The following TSPAN7 variants were observed in gnomAD, a reference collection of about 807,000 sequenced individuals.
TSPAN7 encodes the protein tetraspanin-7.
Under a neutral mutation model 17.6 loss-of-function variants are expected in TSPAN7, and 1 was observed. The ratio of observed to expected loss-of-function variants is 0.06; its 90% CI spans 0.02 to 0.27. The LOEUF is 0.27. TSPAN7 is among the 10% of genes least tolerant of loss of function. The pLI, the probability that TSPAN7 is intolerant of heterozygous loss-of-function variation, is 1.00. For missense variants in TSPAN7, 112 were observed against 201.7 expected (o/e 0.56, Z 2.69); for synonymous variants, 78 against 79.0 (o/e 0.99, Z 0.07).
chrX:38,673,845 T>G (rs973357382), intron 3 of TSPAN7, among the ~76,000 whole-genome samples: 1 of 111,049 alleles, frequency 9.0e-6, no homozygotes, highest in African/African-American at 3.3e-5. Context: ...GAGCCTCCTG[T>G]GTAAGGGCAG....
At chrX:38,589,489 A>G (rs1486722304) in intron 1 of TSPAN7, among the ~76,000 whole-genome samples, 1 of 111,945 alleles carries the variant, frequency 8.9e-6, no homozygotes, top group Admixed American at 9.5e-5. Context: ...TTAAGCATGA[A>G]TATTTTTAAA....
At chrX:38,570,683 G>A (rs943685140) in intron 1 of TSPAN7, 2 of 111,998 alleles carry the variant, frequency 1.8e-5, no homozygotes, top group Non-Finnish European at 3.8e-5. Context: ...ATATTCTTAT[G>A]TATTTTTCTC....
intron 1 of TSPAN7, among the ~76,000 whole-genome samples, chrX:38,602,100 C>G (rs1208857348): frequency 9.0e-6 from 1 of 111,318 alleles, no homozygotes; most frequent in Non-Finnish European, 1.9e-5. Flanking sequence ...AGTCATCTCC[C>G]ACAGTGGACC....
chrX:38,679,354 C>G (rs1008931369), intron 5 of TSPAN7, among the ~76,000 whole-genome samples: 1 of 112,205 alleles, frequency 8.9e-6, no homozygotes, highest in Non-Finnish European at 1.9e-5. Context: ...TTAGCCCCAT[C>G]ATCACTGCAG....
At chrX:38,640,851 C>T (rs1384338724) in intron 1 of TSPAN7, among the ~76,000 whole-genome samples, 3 of 112,162 alleles carry the variant, frequency 2.7e-5, no homozygotes, top group Admixed American at 9.4e-5. Flanking sequence ...GAGGCTGATT[C>T]TGCTTTGGAG....
intron 1 of TSPAN7, among the ~76,000 whole-genome samples, chrX:38,648,650 C>T (rs1466677933): frequency 9.0e-6 from 1 of 111,695 alleles, no homozygotes; most frequent in South Asian, 3.8e-4. Flanking sequence ...CAGGGTCTCG[C>T]TGTGTTGTCC....
At chrX:38,563,118 G>T (rs1041291481) in intron 1 of TSPAN7, 1 of 967,432 alleles carries the variant, frequency 1.0e-6, no homozygotes, top group African/African-American at 2.0e-5. Context: ...GCTGGCGTTG[G>T]TGGTTCTTCA....
chrX:38,597,936 G>A (rs952664899), intron 1 of TSPAN7, among the ~76,000 whole-genome samples: 3 of 111,408 alleles, frequency 2.7e-5, no homozygotes, highest in Non-Finnish European at 5.7e-5. Flanking sequence ...GGATGGAAGC[G>A]ATATTCCAGA....
intron 1 of TSPAN7, among the ~76,000 whole-genome samples, chrX:38,595,599 G>A (rs1187359242): frequency 8.9e-6 from 1 of 111,795 alleles, no homozygotes; most frequent in Non-Finnish European, 1.9e-5. Context: ...AATTGCAACT[G>A]GTACCATGTG....
intron 1 of TSPAN7, among the ~76,000 whole-genome samples, chrX:38,650,162 C>T (rs1019292243): frequency 2.7e-5 from 3 of 111,966 alleles, no homozygotes; most frequent in Non-Finnish European, 1.9e-5. Context: ...GCTCCTTTGG[C>T]TTCCTGTCCC....
intron 1 of TSPAN7, among the ~76,000 whole-genome samples, chrX:38,566,059 G>A (rs1165530482): frequency 8.9e-6 from 1 of 112,078 alleles, no homozygotes; most frequent in Non-Finnish European, 1.9e-5. Context: ...TAAGTCCTGT[G>A]AAGAAAAAAT....
chrX:38,628,153 C>T (rs925339999), intron 1 of TSPAN7, among the ~76,000 whole-genome samples: 8 of 112,491 alleles, frequency 7.1e-5, no homozygotes, highest in African/African-American at 2.3e-4. Flanking sequence ...GCCAAGTACT[C>T]TTTTTATACC....
In TSPAN7 at chrX:38,653,053, C is replaced by T. The variant is rs138510105; in HGVS notation, c.82-13068C>T. 4.5e-3 allele frequency among the ~76,000 whole-genome samples: 506 copies of T among 112,011 alleles called. 6 individuals carry two copies. Among genetic ancestry groups the T allele is most frequent in the African/African-American group, 0.016 (493 of 30,822 alleles). On this transcript the variant is annotated intron_variant, in intron 1 of 7. Transcript: ENST00000378482. ...TAATAATGGCCAAGAAAACTGCCTT[C>T]GAGTTGGACAGAAATTGATTGGACT...
chrX:38,603,246 A>G (rs190042313), intron 1 of TSPAN7, among the ~76,000 whole-genome samples: 2 of 112,169 alleles, frequency 1.8e-5, no homozygotes, highest in Non-Finnish European at 3.8e-5. Context: ...TAGAATGTCT[A>G]TAATAAAAAA....
intron 1 of TSPAN7, among the ~76,000 whole-genome samples, chrX:38,663,410 G>A (rs1034901774): frequency 4.5e-5 from 5 of 111,934 alleles, no homozygotes; most frequent in East Asian, 5.6e-4. Flanking sequence ...AGAAAGGATG[G>A]GAGCAGGATG....
At chrX:38,681,368 C>T in intron 6 of TSPAN7, 81 bp downstream of exon 6, 1 of 866,687 alleles carries the variant, frequency 1.2e-6, no homozygotes, top group Non-Finnish European at 1.7e-6. Flanking sequence ...TGCCTGCCTT[C>T]CTGTGCTTTG....
In TSPAN7 at chrX:38,644,604, G is replaced by A. The variant is rs148579583; in HGVS notation, c.82-21517G>A. ...TAAAGGTGACATTTTGAAGCAATCT[G>A]TAGGGATGAATAAATGACGTGGATT... On this transcript the variant is annotated intron_variant, in intron 1 of 7. Transcript: ENST00000378482. Among the ~76,000 whole-genome samples the A allele has an allele frequency of 1.1e-3, 122 of 111,705 alleles. 2 individuals carry two copies. In the East Asian group the frequency reaches 0.029, roughly 26 times the overall value.
At chrX:38,627,165 C>T (rs2069527006) in intron 1 of TSPAN7, among the ~76,000 whole-genome samples, 1 of 111,702 alleles carries the variant, frequency 9.0e-6, no homozygotes, top group South Asian at 3.7e-4. Context: ...AGAAGAGGTG[C>T]AGAATTGGGG....
chrX:38,609,138 A>G (rs1278945846), intron 1 of TSPAN7, among the ~76,000 whole-genome samples: 1 of 112,370 alleles, frequency 8.9e-6, no homozygotes, highest in African/African-American at 3.2e-5. Context: ...GCAGTGTCTG[A>G]TGAGTAATCT....
Sources: gnomAD v4.1 joint callset for allele counts (sites outside exome capture counted in the v4.1 genomes callset) on GRCh38, gnomAD v4.1.1 for gene constraint, MANE v1.5 for transcripts, NCBI Gene and HGNC (gene_info 2026-07-23, HGNC 2026-07-21) for gene names.